Variants in SFXN5 observed in about 807,000 individuals in gnomAD.
SFXN5 encodes the protein sideroflexin-5.
A neutral mutation model predicts 50.2 loss-of-function variants in SFXN5; 43 were observed. The ratio of observed to expected loss-of-function variants is 0.86; its 90% CI spans 0.67 to 1.11. The LOEUF (loss-of-function observed/expected upper bound fraction) is 1.11. Among genes scored for constraint, SFXN5 ranks in the 50% least tolerant of loss-of-function variants. The probability of loss-of-function intolerance (pLI) is 0.00; values close to 1 mark genes in which losing one functional copy is unlikely to be tolerated. For synonymous variants in SFXN5, 203 were observed against 185.8 expected, an observed-to-expected ratio of 1.09 and a Z score of -0.75; for missense variants, 463 against 454.1, an observed-to-expected ratio of 1.02 and a Z score of -0.18.
chr2:73,000,362 G>A (rs973902842), intron 8 of SFXN5, 69 bp downstream of exon 8: 13 of 1,440,704 alleles, frequency 9.0e-6, no homozygotes, highest in South Asian at 7.5e-5. Flanking sequence ...GGCATGTCAC[G>A]CTGTAGGGAG....
intron 3 of SFXN5, among the ~76,000 whole-genome samples, chr2:73,038,543 C>T (rs1161341634): frequency 6.6e-6 from 1 of 152,158 alleles, no homozygotes; most frequent in Non-Finnish European, 1.5e-5. Flanking sequence ...GTGGGAGGAA[C>T]ACTTAAGCCT....
intron 9 of SFXN5, among the ~76,000 whole-genome samples, chr2:72,990,362 C>A (rs1275293198): frequency 6.6e-6 from 1 of 152,122 alleles, no homozygotes; most frequent in Non-Finnish European, 1.5e-5. Flanking sequence ...GCTGCCGGCT[C>A]ATACTGGGCC....
At chr2:72,962,949 G>A (rs1160071287) in intron 12 of SFXN5, among the ~76,000 whole-genome samples, 1 of 152,132 alleles carries the variant, frequency 6.6e-6, no homozygotes, top group Admixed American at 6.6e-5. Flanking sequence ...TCCCCATCCA[G>A]CACCCCCACC....
At chr2:72,985,245 C>T (rs1204387834) in intron 10 of SFXN5, among the ~76,000 whole-genome samples, 1 of 152,190 alleles carries the variant, frequency 6.6e-6, no homozygotes, top group Non-Finnish European at 1.5e-5. Context: ...TTCTTGGTCA[C>T]CTTTAACAGT....
At chr2:73,011,005 T>A (rs1379762112) in intron 6 of SFXN5, among the ~76,000 whole-genome samples, 1 of 152,172 alleles carries the variant, frequency 6.6e-6, no homozygotes, top group Non-Finnish European at 1.5e-5. Flanking sequence ...GGAAAAAGGA[T>A]ATTATAAAAA....
rs1389302288 is a variant in SFXN5 at position 72,944,122 on chromosome 2, G to A, written c.*900C>T. On this transcript the variant is annotated 3_prime_UTR_variant, in exon 14 of 14. Coordinates refer to ENST00000272433, the MANE Select transcript of SFXN5 (RefSeq NM_144579.3). ...CGCAGAAGGCAGCCAGCCCAGTCTA[G>A]CCCCACTCTCAGCCCCAGAACCCAG... 6.6e-6 allele frequency: 1 copy of A among 152,242 alleles called. No homozygotes were observed. The highest frequency in any genetic ancestry group is 1.5e-5 in the Non-Finnish European group (1 of 68,114). The allele number at this position is 152,242 out of a possible 1,614,324, so 9.4% of individuals were successfully genotyped here.
At position 73,054,478 on chromosome 2, in the gene SFXN5, T is replaced by C. The variant is rs79308242; in HGVS notation, c.171+4050A>G. 1.2e-3 allele frequency among the ~76,000 whole-genome samples: 190 copies of C among 152,168 alleles called. 5 individuals are homozygous for C. The East Asian group carries it at 0.034, about 27-fold the overall frequency. ...AAAATGCAAGAGTTGAAGAATAAAA[T>C]TGTGGTACAAGGAGGAGAGTAGTGA... On this transcript the variant is annotated intron_variant, in intron 2 of 13. Transcript: ENST00000272433.
At chr2:72,964,387 G>A (rs904192888) in intron 12 of SFXN5, among the ~76,000 whole-genome samples, 4 of 152,232 alleles carry the variant, frequency 2.6e-5, no homozygotes, top group Admixed American at 6.5e-5. Flanking sequence ...TGCGTGGCAC[G>A]GACCCTGCAA....
At chr2:73,069,969 G>A (rs985482471) in intron 1 of SFXN5, among the ~76,000 whole-genome samples, 1 of 152,326 alleles carries the variant, frequency 6.6e-6, no homozygotes, top group East Asian at 1.9e-4. Context: ...AAACCAAGTC[G>A]TCACACAGCA....
chr2:73,022,101 C>CTGCCTAA (rs1164855117), intron 5 of SFXN5, among the ~76,000 whole-genome samples: 1 of 152,204 alleles, frequency 6.6e-6, no homozygotes, highest in African/African-American at 2.4e-5. Flanking sequence ...TGGAGACTGA[C>CTGCCTAA]TGCCTAAAAG....
intron 11 of SFXN5, 100 bp downstream of exon 11, chr2:72,971,470 G>A (rs1488430799): frequency 1.3e-6 from 1 of 788,594 alleles, no homozygotes. Flanking sequence ...GCCAAAATAA[G>A]GGTACCCTGG....
chr2:73,058,928 GA>G, intron 1 of SFXN5: 1 of 426,380 alleles, frequency 2.3e-6, no homozygotes, highest in Non-Finnish European at 3.4e-6. Flanking sequence ...CATGTAGGCT[GA>G]AGGTGAGGCC....
At chr2:73,060,048 T>G (rs374376383) in intron 1 of SFXN5, among the ~76,000 whole-genome samples, 2 of 152,314 alleles carry the variant, frequency 1.3e-5, no homozygotes, top group East Asian at 3.9e-4. Context: ...AGCAGTGTGA[T>G]TCCAACTCAA....
At chr2:72,965,560 A>G (rs1674291226) in intron 12 of SFXN5, among the ~76,000 whole-genome samples, 2 of 152,156 alleles carry the variant, frequency 1.3e-5, no homozygotes, top group South Asian at 4.1e-4. Context: ...GGCATCAGCT[A>G]TAAACATTCA....
intron 2 of SFXN5, among the ~76,000 whole-genome samples, chr2:73,056,062 C>T (rs939529075): frequency 3.3e-5 from 5 of 152,132 alleles, no homozygotes; most frequent in East Asian, 3.9e-4. Context: ...CACTTGAACC[C>T]GGGAAGTGGA....
In SFXN5 at chr2:72,946,129, C is replaced by A. The variant is rs544821552; in HGVS notation, c.946-1030G>T. Among the ~76,000 whole-genome samples the A allele has an allele frequency of 7.5e-3, 1,136 of 151,958 alleles. 14 individuals carry two copies. The highest frequency in any genetic ancestry group is 0.026 in the African/African-American group (1,088 of 41,378). On this transcript the variant is annotated intron_variant, in intron 13 of 13. Coordinates refer to ENST00000272433, the MANE Select transcript of SFXN5 (RefSeq NM_144579.3). ...AGGACCCCACCTGGCTCCACCTCCC[C>A]TGCCCACTCCGGGGCCCCCTCCTGG...
At position 72,945,212 on chromosome 2, in the gene SFXN5, C is replaced by T. The variant is rs1052526099; in HGVS notation, c.946-113G>A. 1.7e-5 allele frequency: 16 copies of T among 936,608 alleles called. No individual in the cohort carries two copies. In the African/African-American group the frequency reaches 1.8e-4, roughly 11 times the overall value. The allele number at this position is 936,608 out of a possible 1,614,324, so 58.0% of individuals were successfully genotyped here. A position where few individuals can be genotyped will look rare whatever the true frequency, so the allele number is the denominator to read the frequency against. ...CCCAGAGCTCTGCCCCCTGCACCCC[C>T]GTGTCCACCCCAGCCAGGGCTCACA... On this transcript the variant is annotated intron_variant, in intron 13 of 13. Coordinates refer to ENST00000272433, the MANE Select transcript of SFXN5 (RefSeq NM_144579.3). The surrounding 1 kb of genome is among the most constrained non-coding windows in gnomAD (Gnocchi z 5.8).
chr2:73,019,979 G>A, intron 6 of SFXN5: 2 of 422,358 alleles, frequency 4.7e-6, no homozygotes, highest in East Asian at 8.8e-5. Context: ...GACAACAGTG[G>A]GGACAGAAAA....
At chr2:73,059,404 T>C in intron 1 of SFXN5, 1 of 985,172 alleles carries the variant, frequency 1.0e-6, no homozygotes, top group Non-Finnish European at 1.2e-6. Flanking sequence ...TGCCCCAAAT[T>C]CCTCCCTGGA....
Sources: gnomAD v4.1 joint callset for allele counts (sites outside exome capture counted in the v4.1 genomes callset) on GRCh38, gnomAD v4.1.1 for gene constraint, Gnocchi (gnomAD v3.1) non-coding constraint, MANE v1.5 for transcripts, NCBI Gene and HGNC (gene_info 2026-07-23, HGNC 2026-07-21) for gene names.